Variants in GTF2IRD1 observed in about 807,000 individuals in gnomAD.
GTF2IRD1 encodes the protein general transcription factor II-I repeat domain-containing protein 1.
A neutral mutation model predicts 113.2 loss-of-function variants in GTF2IRD1; 26 were observed. The ratio of observed to expected loss-of-function variants is 0.23; its 90% CI spans 0.17 to 0.32. The LOEUF is 0.32. Among genes scored for constraint, GTF2IRD1 ranks in the 10% least tolerant of loss-of-function variants. The pLI is 1.00. For synonymous variants in GTF2IRD1, 484 were observed against 529.1 expected (o/e 0.91, Z 1.17); for missense variants, 864 against 1,280.8 (o/e 0.67, Z 4.97).
intron 1 of GTF2IRD1, among the ~76,000 whole-genome samples, chr7:74,468,680 G>A (rs1459943803): frequency 9.3e-5 from 3 of 32,142 alleles, no homozygotes; most frequent in African/African-American, 3.0e-4. Flanking sequence ...AAAAAACTGT[G>A]TGTGTGTGTG....
At chr7:74,541,704 AGCCTG>A (rs1798646391) in intron 14 of GTF2IRD1, among the ~76,000 whole-genome samples, 1 of 151,942 alleles carries the variant, frequency 6.6e-6, no homozygotes, top group Non-Finnish European at 1.5e-5. Flanking sequence ...GTTCAAAACC[AGCCTG>A]GCCAGCATGA....
chr7:74,499,925 G>C (rs1261672799), intron 1 of GTF2IRD1, among the ~76,000 whole-genome samples: 1 of 152,118 alleles, frequency 6.6e-6, no homozygotes, highest in Non-Finnish European at 1.5e-5. Flanking sequence ...CACACACACA[G>C]GAATGAGTGA....
At chr7:74,483,608 G>A (rs2117139655) in intron 1 of GTF2IRD1, among the ~76,000 whole-genome samples, 1 of 152,230 alleles carries the variant, frequency 6.6e-6, no homozygotes, top group African/African-American at 2.4e-5. Flanking sequence ...TACTTGGGAG[G>A]CTGAGGCAGG....
chr7:74,572,393 T>G lies in GTF2IRD1; in HGVS notation c.2320+12738T>G, dbSNP rs1562881069. ...ATAAGTTAACTTGCTACCTGTGATC[T>G]TGGATAAGTTAACTTACCATCTCTG... On this transcript the variant is annotated intron_variant, in intron 22 of 26. Coordinates refer to ENST00000424337, the MANE Select transcript of GTF2IRD1 (RefSeq NM_005685.4). Among the ~76,000 whole-genome samples the G allele has an allele frequency of 1.1e-4, 16 of 152,208 alleles. No individual in the cohort carries two copies. In the South Asian group the frequency reaches 3.1e-3, roughly 30 times the overall value.
chr7:74,473,298 C>G (rs1030430908), intron 1 of GTF2IRD1, among the ~76,000 whole-genome samples: 5 of 152,186 alleles, frequency 3.3e-5, no homozygotes, highest in Admixed American at 6.5e-5. Context: ...AGGGAGGAAC[C>G]CAGTCTCAGG....
intron 25 of GTF2IRD1, among the ~76,000 whole-genome samples, 184 bp downstream of exon 25, chr7:74,595,235 G>A (rs1364730243): frequency 2.0e-5 from 3 of 151,770 alleles, no homozygotes; most frequent in East Asian, 3.9e-4. Context: ...GTGAAACCCC[G>A]TCTCTACTAA....
chr7:74,521,190 C>T lies in GTF2IRD1; in HGVS notation c.917-18C>T. 6.6e-7 allele frequency: 1 copy of T among 1,507,660 alleles called. No homozygotes were observed. Among genetic ancestry groups the T allele is most frequent in the Non-Finnish European group, 9.2e-7 (1 of 1,083,812 alleles). The allele number at this position is 1,507,660 out of a possible 1,614,324, so 93.4% of individuals were successfully genotyped here. The stretch of plus-strand genomic sequence containing the variant: ...TTGGGTCCCACCTGGAACCTTCTTC[C>T]TTCTCTCCCTTGTCCAGGACAGAAG... On this transcript the variant is annotated intron_variant, in intron 6 of 26. Transcript: ENST00000424337.
At chr7:74,589,539 A>C (rs1306199884) in intron 22 of GTF2IRD1, among the ~76,000 whole-genome samples, 1 of 152,038 alleles carries the variant, frequency 6.6e-6, no homozygotes, top group African/African-American at 2.4e-5. Flanking sequence ...TCTACTAAAA[A>C]TACAAAAATT....
chr7:74,575,923 T>C (rs1554364426), intron 22 of GTF2IRD1, among the ~76,000 whole-genome samples: 2 of 152,004 alleles, frequency 1.3e-5, no homozygotes, highest in East Asian at 1.9e-4. Context: ...ACGCCAGCAC[T>C]CTGGAAGGCT....
intron 1 of GTF2IRD1, among the ~76,000 whole-genome samples, chr7:74,500,913 G>A (rs1047551697): frequency 6.6e-6 from 1 of 151,838 alleles, no homozygotes; most frequent in African/African-American, 2.4e-5. Flanking sequence ...TTGTAGAGGT[G>A]GGGTCTTGCT....
intron 8 of GTF2IRD1, among the ~76,000 whole-genome samples, chr7:74,525,577 C>A (rs193285992): frequency 1.3e-5 from 2 of 152,030 alleles, no homozygotes; most frequent in African/African-American, 4.8e-5. Context: ...CATGGTGAAA[C>A]CCCGTCTCTA....
At chr7:74,507,928 T>C in intron 1 of GTF2IRD1, 147 bp from the exon 2 acceptor site, 2 of 812,554 alleles carry the variant, frequency 2.5e-6, no homozygotes, top group Non-Finnish European at 1.9e-6. Context: ...CCATCACACA[T>C]AAAGCCCTTG....
At chr7:74,501,875 C>T (rs1025858817) in intron 1 of GTF2IRD1, among the ~76,000 whole-genome samples, 2 of 152,126 alleles carry the variant, frequency 1.3e-5, no homozygotes, top group African/African-American at 4.8e-5. Context: ...TGGTCTTGAA[C>T]TCTTGACCTC....
intron 22 of GTF2IRD1, among the ~76,000 whole-genome samples, chr7:74,567,669 C>T (rs1554361051): frequency 6.6e-6 from 1 of 152,156 alleles, no homozygotes; most frequent in African/African-American, 2.4e-5. Context: ...CCAGAAGTAG[C>T]TTGCTCTCCT....
chr7:74,513,547 C>T (rs555027396), intron 3 of GTF2IRD1, among the ~76,000 whole-genome samples: 5 of 152,272 alleles, frequency 3.3e-5, no homozygotes, highest in East Asian at 1.9e-4. Context: ...TCAGGTGACC[C>T]GCCCACCTCA....
intron 21 of GTF2IRD1, 52 bp from the exon 22 acceptor site, chr7:74,559,575 C>T: frequency 6.5e-7 from 1 of 1,529,700 alleles, no homozygotes; most frequent in Non-Finnish European, 8.9e-7. Flanking sequence ...GGGGTGTCTT[C>T]CTCATCCCCC....
chr7:74,562,798 G>A (rs1222477815), intron 22 of GTF2IRD1, among the ~76,000 whole-genome samples: 1 of 151,880 alleles, frequency 6.6e-6, no homozygotes, highest in Non-Finnish European at 1.5e-5. Context: ...GGCTGGTCTC[G>A]AACTCCTGGC....
At chr7:74,534,690 G>A (rs587687335) in intron 9 of GTF2IRD1, among the ~76,000 whole-genome samples, 11 of 152,042 alleles carry the variant, frequency 7.2e-5, no homozygotes, top group African/African-American at 2.7e-4. Context: ...TCCAGCCTGG[G>A]CGACAGAGCA....
chr7:74,549,302 C>CAA (rs71813162), intron 17 of GTF2IRD1, among the ~76,000 whole-genome samples: 14 of 108,078 alleles, frequency 1.3e-4, no homozygotes, highest in Middle Eastern at 0.011. Flanking sequence ...GACTCTGTCT[C>CAA]AAAAAAAAAA....
Sources: allele counts gnomAD v4.1 joint callset (sites outside exome capture counted in the v4.1 genomes callset), GRCh38; gene constraint gnomAD v4.1.1; transcripts MANE v1.5; gene names NCBI Gene and HGNC (gene_info 2026-07-23, HGNC 2026-07-21).